Variants in HHLA2 observed in about 807,000 individuals in gnomAD.
HHLA2 encodes the protein HHLA2 member of B7 family.
HHLA2 carries 48 observed loss-of-function variants against 45.9 expected under a neutral mutation model. The observed-to-expected ratio is 1.05, with a 90% CI of 0.83 to 1.33. HHLA2 has a LOEUF of 1.33. Among genes scored for constraint, HHLA2 ranks in the 40% most tolerant of loss-of-function variants. HHLA2 has a pLI of 0.00. For missense variants in HHLA2, 462 were observed against 494.3 expected (o/e 0.93, Z 0.62); for synonymous variants, 161 against 173.9 (o/e 0.93, Z 0.59).
At chr3:108,358,265 C>A in intron 7 of HHLA2, 104 bp downstream of exon 6, 1 of 740,394 alleles carries the variant, frequency 1.4e-6, no homozygotes, top group Admixed American at 3.0e-5. Flanking sequence ...ACATTGATAC[C>A]CTCTCAAAAT....
chr3:108,353,042 T>G (rs529040507), intron 4 of HHLA2, among the ~76,000 whole-genome samples: 1 of 152,204 alleles, frequency 6.6e-6, no homozygotes, highest in Admixed American at 6.5e-5. Flanking sequence ...ATAAACTAAT[T>G]TATTGTTGCT....
chr3:108,298,871 T>G lies in HHLA2; in HGVS notation c.-192+2272T>G, dbSNP rs150564025. 7.2e-5 allele frequency among the ~76,000 whole-genome samples: 11 copies of G among 152,282 alleles called. No individual in the cohort carries two copies. The East Asian group carries it at 1.4e-3, about 19-fold the overall frequency. On this transcript the variant is annotated intron_variant, in intron 1 of 10. Transcript: ENST00000619531. ...CACTAATTCCCAAGTGATAAGAGAT[T>G]AAGATACAAACCTGAGATAGGCAAA...
At chr3:108,304,657 A>T (rs571894505) in intron 1 of HHLA2, among the ~76,000 whole-genome samples, 1 of 152,362 alleles carries the variant, frequency 6.6e-6, no homozygotes, top group South Asian at 2.1e-4. Flanking sequence ...AAGGACTTTC[A>T]GGGCTTCAGC....
At chr3:108,335,675 T>G (rs1436627313) in intron 3 of HHLA2, among the ~76,000 whole-genome samples, 1 of 151,496 alleles carries the variant, frequency 6.6e-6, no homozygotes, top group East Asian at 1.9e-4. Flanking sequence ...AGTTAAGGAG[T>G]GTGTTGAGCA....
chr3:108,356,555 A>G (rs969341258), intron 6 of HHLA2, among the ~76,000 whole-genome samples: 3 of 152,214 alleles, frequency 2.0e-5, no homozygotes, highest in Non-Finnish European at 4.4e-5. Flanking sequence ...TCAGGCAGCA[A>G]TGGAAACATG....
intron 7 of HHLA2, among the ~76,000 whole-genome samples, chr3:108,360,463 G>T (rs1349085506): frequency 6.6e-6 from 1 of 152,064 alleles, no homozygotes; most frequent in Non-Finnish European, 1.5e-5. Context: ...AGCACTTTAT[G>T]GCTTCTTTTT....
intron 2 of HHLA2, among the ~76,000 whole-genome samples, chr3:108,319,783 C>T (rs751338901): frequency 1.3e-5 from 2 of 152,136 alleles, no homozygotes; most frequent in Non-Finnish European, 2.9e-5. Flanking sequence ...TTAGCAAACC[C>T]GATACTGATG....
At chr3:108,337,997 A>G (rs1262106781) in intron 3 of HHLA2, among the ~76,000 whole-genome samples, 1 of 152,148 alleles carries the variant, frequency 6.6e-6, no homozygotes, top group African/African-American at 2.4e-5. Context: ...TGGCCTCACC[A>G]ATAATATAAG....
intron 3 of HHLA2, among the ~76,000 whole-genome samples, chr3:108,344,341 T>A (rs749729174): frequency 3.3e-5 from 5 of 152,234 alleles, no homozygotes; most frequent in African/African-American, 4.8e-5. Flanking sequence ...CAATTGGCTT[T>A]GAATCTTTTG....
intron 2 of HHLA2, among the ~76,000 whole-genome samples, chr3:108,313,995 A>T (rs1472350398): frequency 6.6e-6 from 1 of 152,122 alleles, no homozygotes; most frequent in African/African-American, 2.4e-5. Context: ...ATCTTTGGGG[A>T]CTATGATCAA....
chr3:108,344,042 G>A (rs936264), intron 3 of HHLA2, among the ~76,000 whole-genome samples: 102,199 of 151,946 alleles, frequency 0.67, 35,213 homozygotes, highest in African/African-American at 0.76. Context: ...AATCAGATGT[G>A]TCTAGTTAAA....
chr3:108,327,685 GT>G (rs1423939560), intron 2 of HHLA2, among the ~76,000 whole-genome samples: 1 of 151,984 alleles, frequency 6.6e-6, no homozygotes, highest in Non-Finnish European at 1.5e-5. Flanking sequence ...TCTCTATCTT[GT>G]CTTGTCTCTT....
chr3:108,373,417 T>C (rs369833043), intron 8 of HHLA2, among the ~76,000 whole-genome samples: 3,378 of 140,296 alleles, frequency 0.024, 102 homozygotes, highest in African/African-American at 0.088. Context: ...TGAAAACTGG[T>C]ACAAGACAGG....
At chr3:108,322,237 C>T (rs1297144645) in intron 2 of HHLA2, among the ~76,000 whole-genome samples, 1 of 152,202 alleles carries the variant, frequency 6.6e-6, no homozygotes, top group African/African-American at 2.4e-5. Flanking sequence ...GAGGGTGATA[C>T]AGGCTGGGTC....
At chr3:108,329,498 G>C (rs1380126393) in intron 3 of HHLA2, among the ~76,000 whole-genome samples, 1 of 152,162 alleles carries the variant, frequency 6.6e-6, no homozygotes, top group African/African-American at 2.4e-5. Context: ...ATTTGTGCTT[G>C]CTGGAGTTGG....
chr3:108,312,565 G>A (rs975122217), intron 2 of HHLA2, among the ~76,000 whole-genome samples: 20 of 152,124 alleles, frequency 1.3e-4, no homozygotes, highest in African/African-American at 3.6e-4. Flanking sequence ...ATGTTTCCCC[G>A]GGGGTGGCCC....
chr3:108,344,275 C>T (rs147018700), intron 3 of HHLA2, among the ~76,000 whole-genome samples: 267 of 152,120 alleles, frequency 1.8e-3, no homozygotes, highest in African/African-American at 6.2e-3. Context: ...TTAAAAATGG[C>T]CAGAGACCTT....
chr3:108,363,855 G>A (rs1406648982), intron 8 of HHLA2, among the ~76,000 whole-genome samples: 1 of 152,106 alleles, frequency 6.6e-6, no homozygotes, highest in Non-Finnish European at 1.5e-5. Context: ...TTCATGGCTG[G>A]GAGCACCCGA....
intron 1 of HHLA2, among the ~76,000 whole-genome samples, chr3:108,306,239 T>C (rs917425378): frequency 7.2e-5 from 11 of 152,094 alleles, no homozygotes; most frequent in African/African-American, 2.7e-4. Context: ...TTTTCCTCAC[T>C]AGCATCCCTT....
Sources: allele counts gnomAD v4.1 joint callset (sites outside exome capture counted in the v4.1 genomes callset), GRCh38; gene constraint gnomAD v4.1.1; transcripts MANE v1.5; gene names NCBI Gene and HGNC (gene_info 2026-07-23, HGNC 2026-07-21).